The following ZNF521 variants were observed in gnomAD, a reference collection of about 807,000 sequenced individuals.
The protein encoded by ZNF521 is zinc finger protein 521.
In ZNF521, 14 loss-of-function variants were observed where a neutral mutation model predicts 105.5. That is an observed-to-expected ratio of 0.13 (90% CI 0.09 to 0.21). The LOEUF is 0.21. Ranked by LOEUF, ZNF521 falls within the 10% of genes least tolerant of loss-of-function variation. The pLI is 1.00. For missense variants in ZNF521, 1,233 were observed against 1,629.7 expected (o/e 0.76, Z 4.19); for synonymous variants, 635 against 606.0 (o/e 1.05, Z -0.70).
chr18:25,113,705 T>C (rs911001921), intron 5 of ZNF521, among the ~76,000 whole-genome samples: 2 of 141,770 alleles, frequency 1.4e-5, no homozygotes, highest in African/African-American at 5.2e-5. Flanking sequence ...GGGAGTGTGC[T>C]AGAGACAGCA....
In ZNF521 at chr18:25,227,862, C is replaced by T. The variant is rs905038745; in HGVS notation, c.221-165G>A. Among the ~76,000 whole-genome samples, 2 of 152,012 alleles carry T rather than the reference C, an allele frequency of 1.3e-5. No individual in the cohort carries two copies. Among genetic ancestry groups the T allele is most frequent in the East Asian group, 3.8e-4 (2 of 5,196 alleles). On this transcript the variant is annotated intron_variant, in intron 3 of 7. Coordinates refer to ENST00000361524, the MANE Select transcript of ZNF521 (RefSeq NM_015461.3). This position sits in a 1 kb window ranked among gnomAD's most constrained non-coding sequence, Gnocchi z 5.7. ...GAGTGAGACATTTTCAAATCTGAGCCCAAAGCAGTTATTCTGCATTTACTT... is the reference window on the plus strand; with the variant it reads ...GAGTGAGACATTTTCAAATCTGAGCTCAAAGCAGTTATTCTGCATTTACTT...
intron 5 of ZNF521, among the ~76,000 whole-genome samples, chr18:25,120,088 G>A (rs1038446581): frequency 6.6e-6 from 1 of 152,094 alleles, no homozygotes; most frequent in East Asian, 1.9e-4. Flanking sequence ...AATCTGAACA[G>A]CCTTTTTTGT....
chr18:25,247,573 G>C (rs936212744), intron 3 of ZNF521, among the ~76,000 whole-genome samples: 1 of 152,130 alleles, frequency 6.6e-6, no homozygotes, highest in African/African-American at 2.4e-5. Flanking sequence ...GTATTTTTTT[G>C]AAGTTTCTCA....
In ZNF521 at chr18:25,224,867, C is replaced by G. The variant is rs1252507332; in HGVS notation, c.3051G>C (p.Leu1017=). ...CQMHPDLRNS[L]TGFRCVVCMQ... ...TGCACACCACGCAGCGAAAGCCTGTCAGGGAATTCCTCAAGTCAGGGTGCA... is the reference window on the plus strand; with the variant it reads ...TGCACACCACGCAGCGAAAGCCTGTGAGGGAATTCCTCAAGTCAGGGTGCA... Residue 1017 remains leucine, a synonymous_variant, in exon 4 of 8, where the codon CTG becomes CTC. Coordinates refer to ENST00000361524, the MANE Select transcript of ZNF521 (RefSeq NM_015461.3). 1 of 1,613,906 alleles carries G rather than the reference C, an allele frequency of 6.2e-7. No homozygotes were observed. The highest frequency in any genetic ancestry group is 1.3e-5 in the African/African-American group (1 of 74,882).
At chr18:25,172,848 A>C (rs554073707) in intron 5 of ZNF521, among the ~76,000 whole-genome samples, 1 of 152,318 alleles carries the variant, frequency 6.6e-6, no homozygotes, top group South Asian at 2.1e-4. Flanking sequence ...CAAGCTTTGC[A>C]CATGAATTAT....
intron 3 of ZNF521, among the ~76,000 whole-genome samples, chr18:25,288,476 A>C (rs1337300245): frequency 2.6e-5 from 4 of 151,796 alleles, no homozygotes; most frequent in African/African-American, 7.3e-5. Context: ...TTCGCTTTCC[A>C]GATCCGTGGG....
chr18:25,273,233 A>G (rs1231812812), intron 3 of ZNF521, among the ~76,000 whole-genome samples: 3 of 145,512 alleles, frequency 2.1e-5, no homozygotes, highest in African/African-American at 7.6e-5. Context: ...AAAAAAAAAA[A>G]AAAAAAAAAA....
At position 25,227,021 on chromosome 18, in the gene ZNF521, G is replaced by A. The variant is rs548935128; in HGVS notation, c.897C>T (p.His299=). 6.2e-7 allele frequency: 1 copy of A among 1,614,188 alleles called. No homozygotes were observed. The highest frequency in any genetic ancestry group is 8.5e-7 in the Non-Finnish European group (1 of 1,180,022). The change falls in exon 4 of 8, where the codon CAC becomes CAT. Residue 299 remains histidine, a synonymous_variant. Transcript: ENST00000361524. This position sits in a 1 kb window ranked among gnomAD's most constrained non-coding sequence, Gnocchi z 5.7. The part of the protein sequence containing the change: ...LFVEETSLMN[H]MEQVHSGEKK... ...TCTCCCCGCTATGCACCTGCTCCAT[G>A]TGGTTCATGAGGGAGGTCTCCTCTA...
chr18:25,113,517 G>T (rs2034237485), intron 5 of ZNF521, among the ~76,000 whole-genome samples: 1 of 152,060 alleles, frequency 6.6e-6, no homozygotes, highest in South Asian at 2.1e-4. Flanking sequence ...TGTTGTATCA[G>T]AATGCTTTAG....
chr18:25,339,697 G>C (rs887514821), intron 2 of ZNF521, among the ~76,000 whole-genome samples: 8 of 152,070 alleles, frequency 5.3e-5, no homozygotes, highest in African/African-American at 1.4e-4. Context: ...GTAGGTTACG[G>C]GGATTCAAAG....
rs140811624 is a variant in ZNF521, at chr18:25,090,626, GTC to G, written c.3791-1048_3791-1047del. On this transcript the variant is annotated intron_variant, in intron 6 of 7. Transcript: ENST00000361524. ...GACTGTGCACGATTAATGCATTTTTGTCTCTTTATCCGTATCAACAAGAAGAA... is the reference window on the plus strand; with the variant it reads ...GACTGTGCACGATTAATGCATTTTTGTCTTTATCCGTATCAACAAGAAGAA... Among the ~76,000 whole-genome samples, 1,134 of 152,224 alleles carry G rather than the reference GTC, an allele frequency of 7.4e-3. 7 individuals are homozygous for G. The highest frequency in any genetic ancestry group is 0.013 in the Non-Finnish European group (854 of 68,010).
intron 7 of ZNF521, among the ~76,000 whole-genome samples, chr18:25,085,859 T>TA (rs759039809): frequency 2.0e-4 from 31 of 152,108 alleles, no homozygotes; most frequent in Non-Finnish European, 4.4e-5. Context: ...ATTATGGTCA[T>TA]AAAATCATTC....
At chr18:25,200,541 GTCTA>G (rs1165234856) in intron 4 of ZNF521, among the ~76,000 whole-genome samples, 1 of 152,026 alleles carries the variant, frequency 6.6e-6, no homozygotes, top group Non-Finnish European at 1.5e-5. Context: ...CAGTTATTAA[GTCTA>G]TCTAAGACAC....
rs59270952 is a variant in ZNF521, at chr18:25,180,839, AAACAAC to A, written c.3658+14315_3658+14320del. ...AAAATAAAAGGTTCTGCCTCATTCA[AAACAAC>A]AACAACAACAACAACAACAGCAACA... On this transcript the variant is annotated intron_variant, in intron 5 of 7. Transcript: ENST00000361524. Among the ~76,000 whole-genome samples the A allele has an allele frequency of 9.2e-5, 14 of 151,906 alleles. No homozygotes were observed. In the South Asian group the frequency reaches 1.0e-3, roughly 11 times the overall value.
At chr18:25,174,582 C>T (rs1567994643) in intron 5 of ZNF521, among the ~76,000 whole-genome samples, 1 of 152,202 alleles carries the variant, frequency 6.6e-6, no homozygotes, top group Admixed American at 6.5e-5. Context: ...TTAGCAGCTG[C>T]ACAGGCTCGC....
At chr18:25,166,965 TTAAC>T (rs1473874281) in intron 5 of ZNF521, among the ~76,000 whole-genome samples, 108 of 152,314 alleles carry the variant, frequency 7.1e-4, no homozygotes, top group African/African-American at 2.3e-3. Context: ...CTTTTTTTCA[TTAAC>T]TAATAATAAA....
At chr18:25,350,458 G>A (rs1310387500) in intron 2 of ZNF521, among the ~76,000 whole-genome samples, 2 of 152,126 alleles carry the variant, frequency 1.3e-5, no homozygotes, top group Admixed American at 1.3e-4. Context: ...CCCCACCTCC[G>A]AGATGACTTT....
At chr18:25,069,796 A>C (rs2033170096) in intron 7 of ZNF521, among the ~76,000 whole-genome samples, 1 of 152,204 alleles carries the variant, frequency 6.6e-6, no homozygotes, top group South Asian at 2.1e-4. Context: ...ACATTTGTAG[A>C]ATCTGCTAGA....
intron 2 of ZNF521, among the ~76,000 whole-genome samples, chr18:25,329,912 G>C (rs1377994135): frequency 6.6e-6 from 1 of 152,158 alleles, no homozygotes; most frequent in African/African-American, 2.4e-5. Context: ...CGGCAGAAAG[G>C]AAATAATGGT....
Sources: allele counts gnomAD v4.1 joint callset (sites outside exome capture counted in the v4.1 genomes callset), GRCh38; gene constraint gnomAD v4.1.1; non-coding constraint Gnocchi (gnomAD v3.1); transcripts MANE v1.5; gene names NCBI Gene and HGNC (gene_info 2026-07-23, HGNC 2026-07-21).